The following TMPRSS11D variants were observed in gnomAD, a reference collection of about 807,000 sequenced individuals.
TMPRSS11D encodes transmembrane serine protease 11D.
Under a neutral mutation model 44.4 loss-of-function variants are expected in TMPRSS11D, and 32 were observed. That is an observed-to-expected ratio of 0.72 (90% CI 0.54 to 0.97). The LOEUF is 0.97. TMPRSS11D is among the 50% of genes least tolerant of loss of function. The pLI is 0.00. For missense variants in TMPRSS11D, 446 were observed against 502.6 expected, an observed-to-expected ratio of 0.89 and a Z score of 1.08; for synonymous variants, 179 against 177.9, an observed-to-expected ratio of 1.01 and a Z score of -0.05.
chr4:67,838,304 C>A lies in TMPRSS11D; in HGVS notation c.343G>T (p.Asp115Tyr). Residue 115 changes from aspartate to tyrosine, a missense_variant, in exon 5 of 10, where the codon GAT becomes TAT. By Grantham distance (160) the Asp-to-Tyr change is radical. Coordinates refer to ENST00000283916, the MANE Select transcript of TMPRSS11D (RefSeq NM_004262.3). ...LRQDGSGVRA[D>Y]VVMKFQFTRN... ...GTGAATTGAAATTTCATGACAACAT[C>A]CGCTCTCACACCACTACCATCTTGC... The A allele has an allele frequency of 1.3e-6, 2 of 1,592,640 alleles. No homozygotes were observed.
At chr4:67,827,119 A>G in intron 8 of TMPRSS11D, 142 bp downstream of exon 8, 1 of 1,082,648 alleles carries the variant, frequency 9.2e-7, no homozygotes, top group Non-Finnish European at 1.3e-6. Flanking sequence ...GGGTAGCCAG[A>G]GCTTGGGCTG....
intron 6 of TMPRSS11D, 81 bp downstream of exon 6, chr4:67,835,002 G>T: frequency 1.5e-6 from 2 of 1,317,542 alleles, no homozygotes; most frequent in Non-Finnish European, 2.2e-6. Context: ...ATACTGCCTT[G>T]GCCAAAAGTA....
At chr4:67,842,797 C>T (rs1042916680) in intron 3 of TMPRSS11D, among the ~76,000 whole-genome samples, 172 bp from the exon 4 acceptor site, 1 of 152,202 alleles carries the variant, frequency 6.6e-6, no homozygotes, top group Admixed American at 6.5e-5. Context: ...GGTTCTATAA[C>T]CTTTTGATGC....
At chr4:67,878,969 T>C (rs977343983) in intron 1 of TMPRSS11D, among the ~76,000 whole-genome samples, 3 of 152,040 alleles carry the variant, frequency 2.0e-5, no homozygotes, top group Non-Finnish European at 4.4e-5. Context: ...AAAAGATGTA[T>C]AAGTAGAAAT....
chr4:67,839,930 A>T (rs903183798), intron 4 of TMPRSS11D, among the ~76,000 whole-genome samples: 2 of 150,766 alleles, frequency 1.3e-5, no homozygotes, highest in East Asian at 2.0e-4. Context: ...TGCTGCACCC[A>T]TTAACTCGTC....
Position 67,821,067 on chromosome 4 carries a change from G to A in TMPRSS11D, c.*1270C>T, listed in dbSNP as rs1295566277. On this transcript the variant is annotated 3_prime_UTR_variant, in exon 10 of 10. Coordinates refer to ENST00000283916, the MANE Select transcript of TMPRSS11D (RefSeq NM_004262.3). ...TATGGAGCAGTCCTGATGCCCAGAT[G>A]CAGGGAGTTAGCTTGTAGAAGGAGG... 2.0e-5 allele frequency: 3 copies of A among 152,224 alleles called. No homozygotes were observed. Among genetic ancestry groups the A allele is most frequent in the Non-Finnish European group, 1.5e-5 (1 of 68,058 alleles). The allele number at this position is 152,224 out of a possible 1,614,324, so 9.4% of individuals were successfully genotyped here.
intron 2 of TMPRSS11D, among the ~76,000 whole-genome samples, chr4:67,858,725 A>G (rs538064731): frequency 6.6e-6 from 1 of 152,268 alleles, no homozygotes; most frequent in South Asian, 2.1e-4. Flanking sequence ...ATAGAATTAT[A>G]TTTGAAATAA....
intron 3 of TMPRSS11D, among the ~76,000 whole-genome samples, chr4:67,842,855 G>C (rs1448987784): frequency 2.6e-5 from 4 of 152,148 alleles, no homozygotes; most frequent in Non-Finnish European, 2.9e-5. Flanking sequence ...TGGACAGGCT[G>C]GTTTTTTGCT....
chr4:67,877,909 A>T (rs985836613), intron 1 of TMPRSS11D, among the ~76,000 whole-genome samples: 1 of 152,228 alleles, frequency 6.6e-6, no homozygotes, highest in Non-Finnish European at 1.5e-5. Flanking sequence ...TGTTCTCTAT[A>T]TGAAGCTAGA....
At position 67,859,610 on chromosome 4, in the gene TMPRSS11D, C is replaced by G. The variant is rs377056615; in HGVS notation, c.77G>C (p.Gly26Ala). 3 of 1,613,092 alleles carry G rather than the reference C, an allele frequency of 1.9e-6. No individual in the cohort carries two copies. The highest frequency in any genetic ancestry group is 2.5e-6 in the Non-Finnish European group (3 of 1,179,418). ...TATGGTGACTGCCAGGATCACTACC[C>G]CTGCGACGACAATGAAACATACTAC... is the stretch of plus-strand genomic sequence containing the variant. ...PYVVCFIVVA[G>A]VVILAVTIAL... Residue 26 changes from glycine (G) to alanine (A), a missense_variant, in exon 2 of 10, where the codon GGG (glycine) becomes GCG (alanine). Gly to Ala is a moderately conservative substitution (Grantham distance 60). Transcript: ENST00000283916.
chr4:67,838,777 A>G (rs1449424984), intron 4 of TMPRSS11D, among the ~76,000 whole-genome samples: 2 of 152,192 alleles, frequency 1.3e-5, no homozygotes, highest in Admixed American at 1.3e-4. Flanking sequence ...AATCTCCTAA[A>G]CAAATTCATA....
chr4:67,842,533 A>ATATATT, intron 4 of TMPRSS11D, 25 bp downstream of exon 4: 1 of 1,601,120 alleles, frequency 6.2e-7, no homozygotes, highest in Non-Finnish European at 8.6e-7. Context: ...CTATACTTAA[A>ATATATT]TATTTTTTCT....
In TMPRSS11D at chr4:67,883,971, T is replaced by A. The variant is rs1425046314; in HGVS notation, c.-38A>T. On this transcript the variant is annotated 5_prime_UTR_variant, in exon 1 of 10. Coordinates refer to ENST00000283916, the MANE Select transcript of TMPRSS11D (RefSeq NM_004262.3). ...TGAAGAGGTTCTTTTTTCTGCCTAC[T>A]CAACTGCTTTGAGATTCCCACTCAA... 1.3e-6 allele frequency: 2 copies of A among 1,594,146 alleles called. No homozygotes were observed. Among genetic ancestry groups the A allele is most frequent in the South Asian group, 2.3e-5 (2 of 88,276 alleles).
chr4:67,854,165 C>G lies in TMPRSS11D; in HGVS notation c.152G>C (p.Arg51Thr). 1 of 1,565,146 alleles carries G rather than the reference C, an allele frequency of 6.4e-7. No homozygotes were observed. The highest frequency in any genetic ancestry group is 8.7e-7 in the Non-Finnish European group (1 of 1,150,730). ...AACATTTAGGAGTTGAAAACTGCTC[C>G]TATAAAAGTAAGATTTTTGATCTGA... The part of the protein sequence containing the change: ...LAFDQKSYFY[R>T]SSFQLLNVEY... The change falls in exon 3 of 10, where the codon AGG (arginine) becomes ACG (threonine). Residue 51 changes from arginine to threonine, a missense_variant. By Grantham distance (71) the Arg-to-Thr change is moderately conservative. Transcript: ENST00000283916.
At chr4:67,834,599 G>A (rs1256380466) in intron 6 of TMPRSS11D, among the ~76,000 whole-genome samples, 2 of 152,112 alleles carry the variant, frequency 1.3e-5, no homozygotes, top group African/African-American at 4.8e-5. Flanking sequence ...TGATGTTGAA[G>A]AGTAGTGACT....
In TMPRSS11D at chr4:67,859,595, G is replaced by A. The variant is rs1173965125; in HGVS notation, c.92C>T (p.Ala31Val). 2 of 1,613,218 alleles carry A rather than the reference G, an allele frequency of 1.2e-6. No homozygotes were observed. Among genetic ancestry groups the A allele is most frequent in the Admixed American group, 3.3e-5 (2 of 59,908 alleles). The change falls in exon 2 of 10, where the codon GCA (alanine) becomes GTA (valine). Residue 31 changes from alanine (A) to valine (V), a missense_variant. By Grantham distance (64) the Ala-to-Val change is moderately conservative. Transcript: ENST00000283916. ...GTAAACAAGTAGAGCTATGGTGACT[G>A]CCAGGATCACTACCCCTGCGACGAC... Reference protein sequence around the residue: ...FIVVAGVVILAVTIALLVYFL... With the variant: ...FIVVAGVVILVVTIALLVYFL...
At chr4:67,859,270 A>T (rs1718734829) in intron 2 of TMPRSS11D, among the ~76,000 whole-genome samples, 1 of 152,090 alleles carries the variant, frequency 6.6e-6, no homozygotes, top group African/African-American at 2.4e-5. Context: ...AATTATTGAG[A>T]GTTTTTTTTT....
At chr4:67,874,017 C>A (rs1475034784) in intron 1 of TMPRSS11D, among the ~76,000 whole-genome samples, 2 of 152,104 alleles carry the variant, frequency 1.3e-5, no homozygotes, top group African/African-American at 2.4e-5. Context: ...GACAGTGGTC[C>A]CATATGACTT....
At chr4:67,850,766 T>G (rs996131280) in intron 3 of TMPRSS11D, among the ~76,000 whole-genome samples, 3 of 152,248 alleles carry the variant, frequency 2.0e-5, no homozygotes, top group Non-Finnish European at 4.4e-5. Flanking sequence ...TTCATTTGTC[T>G]TTAAATCCCA....
Sources: allele counts gnomAD v4.1 joint callset (sites outside exome capture counted in the v4.1 genomes callset), GRCh38; gene constraint gnomAD v4.1.1; transcripts MANE v1.5; gene names NCBI Gene and HGNC (gene_info 2026-07-23, HGNC 2026-07-21).